SUCO: variants seen among roughly 807,000 people sequenced by gnomAD.
The protein encoded by SUCO is SUN domain containing ossification factor, also known as SUN domain-containing ossification factor.
A neutral mutation model predicts 148.1 loss-of-function variants in SUCO; 57 were observed. That is an observed-to-expected ratio of 0.38 (90% confidence interval 0.31 to 0.48). The LOEUF (loss-of-function observed/expected upper bound fraction) is 0.48, where lower values mean the gene tolerates loss of function less well. Ranked by LOEUF, SUCO falls within the 20% of genes least tolerant of loss-of-function variation. SUCO has a pLI of 0.96. For missense variants in SUCO, 1,331 were observed against 1,468.2 expected, an observed-to-expected ratio of 0.91 and a Z score of 1.53; for synonymous variants, 470 against 502.7, an observed-to-expected ratio of 0.93 and a Z score of 0.87.
At chr1:172,557,173 C>G in intron 4 of SUCO, 107 bp from the exon 5 acceptor site, 1 of 1,419,324 alleles carries the variant, frequency 7.0e-7, no homozygotes, top group South Asian at 1.6e-5. Flanking sequence ...TTAAAATTTT[C>G]TTTCTTTGGT....
intron 22 of SUCO, among the ~76,000 whole-genome samples, chr1:172,604,630 C>T (rs1357844240): frequency 6.6e-6 from 1 of 151,724 alleles, no homozygotes; most frequent in South Asian, 2.1e-4. Flanking sequence ...CGAATGTTTT[C>T]GTCTTGCAAA....
At chr1:172,548,371 C>T (rs1653022047) in intron 1 of SUCO, among the ~76,000 whole-genome samples, 1 of 151,850 alleles carries the variant, frequency 6.6e-6, no homozygotes, top group Non-Finnish European at 1.5e-5. Context: ...AAAGAACCAA[C>T]TTTTGATTTT....
chr1:172,602,863 G>A (rs764311871), intron 22 of SUCO, 76 bp downstream of exon 22: 1 of 1,297,444 alleles, frequency 7.7e-7, no homozygotes, highest in Admixed American at 1.8e-5. Flanking sequence ...TGTCAGTGTT[G>A]TGTTCATGAC....
intron 11 of SUCO, 21 bp downstream of exon 11, chr1:172,575,644 A>G (rs1655380620): frequency 1.4e-6 from 2 of 1,478,438 alleles, no homozygotes; most frequent in East Asian, 2.3e-5. Flanking sequence ...CACATACAGG[A>G]CTATGTTCTA....
At chr1:172,608,700 A>C in intron 22 of SUCO, 47 bp from the exon 23 acceptor site, 1 of 1,292,304 alleles carries the variant, frequency 7.7e-7, no homozygotes, top group Non-Finnish European at 1.1e-6. Context: ...AAATCCACCA[A>C]ATCCACTTTA....
intron 15 of SUCO, chr1:172,584,201 C>T (rs1271556910): frequency 6.5e-6 from 1 of 154,716 alleles, no homozygotes; most frequent in Non-Finnish European, 1.4e-5. Context: ...ATAGGCTAAT[C>T]ATTGAAAATG....
At chr1:172,576,070 C>T (rs1338247669) in intron 11 of SUCO, among the ~76,000 whole-genome samples, 1 of 151,688 alleles carries the variant, frequency 6.6e-6, no homozygotes, top group East Asian at 1.9e-4. Context: ...CTTTGTATAG[C>T]CAAATGAAAT....
At chr1:172,593,308 T>C (rs1656814293) in intron 19 of SUCO, among the ~76,000 whole-genome samples, 1 of 152,236 alleles carries the variant, frequency 6.6e-6, no homozygotes, top group Non-Finnish European at 1.5e-5. Context: ...CTTCCAGCAC[T>C]ATGTTGAATA....
intron 22 of SUCO, chr1:172,607,957 C>T (rs1392599236): frequency 3.0e-6 from 1 of 336,386 alleles, no homozygotes; most frequent in Non-Finnish European, 4.2e-6. Context: ...AAGCTTTTGT[C>T]TCTGTCAGAC....
chr1:172,579,354 AT>A (rs1655701262), intron 15 of SUCO, 87 bp downstream of exon 15: 3 of 785,066 alleles, frequency 3.8e-6, no homozygotes, highest in Non-Finnish European at 6.3e-6. Context: ...GTTGAGGAGA[AT>A]TCTCCCAGTG....
chr1:172,544,025 T>C (rs1652692574), intron 1 of SUCO: 1 of 211,214 alleles, frequency 4.7e-6, no homozygotes, highest in African/African-American at 2.4e-5. Flanking sequence ...CCAAAATGGC[T>C]TCCACATTAT....
At chr1:172,600,238 A>T in intron 20 of SUCO, 70 bp downstream of exon 20, 1 of 1,094,000 alleles carries the variant, frequency 9.1e-7, no homozygotes, top group Non-Finnish European at 1.3e-6. Flanking sequence ...AGGCTTGTTA[A>T]CATGAACATG....
rs1268929166 is a variant in SUCO at position 172,585,093 on chromosome 1, A to T, written c.1567+7A>T. 1 of 1,595,756 alleles carries T rather than the reference A, an allele frequency of 6.3e-7. No individual in the cohort carries two copies. The highest frequency in any genetic ancestry group is 1.7e-4 in the Middle Eastern group (1 of 5,972). On this transcript the variant is annotated splice_region_variant and intron_variant, in intron 16 of 23. Coordinates refer to ENST00000263688, the MANE Select transcript of SUCO (RefSeq NM_014283.5). ...ACTGAAGACCTGACAGAAGGTACCT[A>T]ATCATTTTATGGGTCTTTTAAATAG...
intron 4 of SUCO, chr1:172,557,010 A>G (rs1653803243): frequency 4.1e-6 from 4 of 977,464 alleles, no homozygotes; most frequent in Admixed American, 6.2e-5. Context: ...TATAGTAATG[A>G]TGGAAATTAA....
At chr1:172,607,190 A>G (rs1657915947) in intron 22 of SUCO, among the ~76,000 whole-genome samples, 1 of 151,840 alleles carries the variant, frequency 6.6e-6, no homozygotes, top group Non-Finnish European at 1.5e-5. Context: ...TACTCAGGGT[A>G]TGTTGTGTCT....
rs770984492 is a variant in SUCO at position 172,577,548 on chromosome 1, A to G, written c.1273A>G (p.Lys425Glu). ...MYAKYVKMFI[K>E]YIKVELLSHF... ...CTTTCTCTTGCTTCAGATGTTCATCAAGTACATAAAGGTTAGCAACCTTCT... is the reference window on the plus strand; with the variant it reads ...CTTTCTCTTGCTTCAGATGTTCATCGAGTACATAAAGGTTAGCAACCTTCT... The change falls in exon 12 of 24, where the codon AAG becomes GAG. Residue 425 changes from lysine to glutamate, a missense_variant. By Grantham distance (56) the Lys-to-Glu change is moderately conservative. Coordinates refer to ENST00000263688, the MANE Select transcript of SUCO (RefSeq NM_014283.5). The G allele has an allele frequency of 2.5e-6, 4 of 1,610,836 alleles. No homozygotes were observed. The African/African-American group carries it at 5.3e-5, about 22-fold the overall frequency.
In SUCO at chr1:172,570,125, C is replaced by G; in HGVS notation, c.935C>G (p.Ser312Ter). 1 of 1,591,338 alleles carries G rather than the reference C, an allele frequency of 6.3e-7. No individual in the cohort carries two copies. ...CAGAAAAATCGAAATAATTATGCCT[C>G]AGTAGAATGTGGTGCCAAAATTCTA... ...KVQKNRNNYA[S>*]VECGAKILAA... Residue 312 changes from serine to a stop codon, truncating the protein, a stop_gained, in exon 8 of 24, where the codon TCA becomes TGA. Transcript: ENST00000263688. LOFTEE classifies it high-confidence loss of function.
In SUCO at chr1:172,609,840, G is replaced by A; in HGVS notation, c.3346G>A (p.Glu1116Lys). ...GAAGAAGCGCTGCAAGTACAAAATT[G>A]AAAAAATTGAGACCATAAAGCCTGA... ...KKKKRCKYKI[E>K]KIETIKPEEP... The change falls in exon 24 of 24, where the codon GAA becomes AAA. Residue 1116 changes from glutamate (E) to lysine (K), a missense_variant. Around this residue, in one of 3 missense-constraint regions of SUCO, gnomAD observed 334 missense variants for 352.3 expected, o/e 0.95. Transcript: ENST00000263688. The A allele has an allele frequency of 6.3e-7, 1 of 1,596,376 alleles. No homozygotes were observed. The highest frequency in any genetic ancestry group is 8.5e-7 in the Non-Finnish European group (1 of 1,175,030).
At chr1:172,608,547 A>G in intron 22 of SUCO, 200 bp from the exon 23 acceptor site, 2 of 580,860 alleles carry the variant, frequency 3.4e-6, no homozygotes, top group Non-Finnish European at 6.1e-6. Flanking sequence ...CATAGGAATC[A>G]TATCATCTTC....
Sources: allele counts gnomAD v4.1 joint callset (sites outside exome capture counted in the v4.1 genomes callset), GRCh38; gene constraint gnomAD v4.1.1; regional missense constraint gnomAD v4.1.1; transcripts MANE v1.5; gene names NCBI Gene and HGNC (gene_info 2026-07-23, HGNC 2026-07-21).